MYO10: variants seen among roughly 807,000 people sequenced by gnomAD.
The protein encoded by MYO10 is unconventional myosin-X.
Under a neutral mutation model 257.3 loss-of-function variants are expected in MYO10, and 133 were observed. The ratio of observed to expected loss-of-function variants is 0.52; its 90% CI spans 0.45 to 0.60. The LOEUF (loss-of-function observed/expected upper bound fraction) is 0.60, where lower values mean the gene tolerates loss of function less well. Ranked by LOEUF, MYO10 falls within the 20% of genes least tolerant of loss-of-function variation. The pLI is 0.00. For synonymous variants in MYO10, 1,104 were observed against 1,028.6 expected (o/e 1.07, Z -1.40); for missense variants, 2,399 against 2,635.7 (o/e 0.91, Z 1.97).
Position 16,754,928 on chromosome 5 carries a change from T to C in MYO10, c.1849-20A>G, listed in dbSNP as rs759955594. ...TGAGTCCTATTAGAAAAAGTATATG[T>C]TGATTTAGTCTCTTATTATGTCATT... is the stretch of plus-strand genomic sequence containing the variant. On this transcript the variant is annotated intron_variant, in intron 18 of 40. Transcript: ENST00000513610. 2 of 1,501,508 alleles carry C rather than the reference T, an allele frequency of 1.3e-6. No homozygotes were observed. The highest frequency in any genetic ancestry group is 1.2e-5 in the South Asian group (1 of 82,080). The allele number at this position is 1,501,508 out of a possible 1,614,324, so 93.0% of individuals were successfully genotyped here.
chr5:16,786,345 GAA>G (rs1741579687), intron 4 of MYO10, among the ~76,000 whole-genome samples: 1 of 152,148 alleles, frequency 6.6e-6, no homozygotes, highest in South Asian at 2.1e-4. Context: ...GACACATTGA[GAA>G]AAAATACGGC....
intron 28 of MYO10, among the ~76,000 whole-genome samples, chr5:16,689,312 C>A (rs1737384777): frequency 6.6e-6 from 1 of 152,068 alleles, no homozygotes; most frequent in East Asian, 1.9e-4. Flanking sequence ...TACTTTTGCA[C>A]CAAGCTAATA....
chr5:16,935,138 C>T (rs892607329), intron 1 of MYO10, among the ~76,000 whole-genome samples: 1 of 152,174 alleles, frequency 6.6e-6, no homozygotes, highest in African/African-American at 2.4e-5. Flanking sequence ...ATTAAAATAG[C>T]CACTGTTTGC....
intron 2 of MYO10, among the ~76,000 whole-genome samples, chr5:16,857,585 T>C (rs1190466487): frequency 2.0e-5 from 3 of 152,200 alleles, no homozygotes; most frequent in African/African-American, 7.2e-5. Context: ...AATCAGAAGC[T>C]CTGGATTGAG....
At chr5:16,933,800 A>G (rs1746360891) in intron 1 of MYO10, among the ~76,000 whole-genome samples, 1 of 152,238 alleles carries the variant, frequency 6.6e-6, no homozygotes, top group Non-Finnish European at 1.5e-5. Context: ...CTTCCCACTC[A>G]AAGTGATTAG....
chr5:16,912,843 CA>C (rs1745702900), intron 1 of MYO10, among the ~76,000 whole-genome samples: 1 of 150,694 alleles, frequency 6.6e-6, no homozygotes, highest in African/African-American at 2.4e-5. Context: ...CACACACACA[CA>C]CACACCATGG....
intron 19 of MYO10, among the ~76,000 whole-genome samples, chr5:16,739,322 GC>G (rs1739929106): frequency 6.6e-6 from 1 of 150,916 alleles, no homozygotes; most frequent in Admixed American, 6.7e-5. Flanking sequence ...TTCACCTTTT[GC>G]AAATTTCTTG....
rs561783158 is a variant in MYO10, at chr5:16,723,320, G to A, written c.1930-12075C>T. Among the ~76,000 whole-genome samples the A allele has an allele frequency of 2.7e-3, 415 of 152,130 alleles. 2 individuals carry two copies. The highest frequency in any genetic ancestry group is 9.1e-3 in the African/African-American group (379 of 41,498). On this transcript the variant is annotated intron_variant, in intron 19 of 40. Transcript: ENST00000513610. Reference sequence around the variant, plus strand: ...GGAGAATGGCGTGAACCTGGGAGGCGGAGCTTGCAGTGAGCCAAGGTTGCG... The same window carrying A: ...GGAGAATGGCGTGAACCTGGGAGGCAGAGCTTGCAGTGAGCCAAGGTTGCG...
At chr5:16,674,758 T>C in intron 35 of MYO10, 95 bp downstream of exon 35, 3 of 1,424,506 alleles carry the variant, frequency 2.1e-6, no homozygotes, top group Non-Finnish European at 2.9e-6. Flanking sequence ...TAGAGGTGTC[T>C]TCTGTTCAAA....
At chr5:16,850,235 T>C (rs528460402) in intron 2 of MYO10, among the ~76,000 whole-genome samples, 2 of 152,296 alleles carry the variant, frequency 1.3e-5, no homozygotes, top group African/African-American at 4.8e-5. Context: ...CCTTAACTTA[T>C]TAAATCTGAC....
At chr5:16,711,435 C>CA (rs1315804593) in intron 19 of MYO10, among the ~76,000 whole-genome samples, 190 bp from the exon 20 acceptor site, 1 of 152,172 alleles carries the variant, frequency 6.6e-6, no homozygotes, top group Non-Finnish European at 1.5e-5. Flanking sequence ...TAACAACCGT[C>CA]AACCCCTGCC....
At chr5:16,747,365 G>A (rs1431602669) in intron 19 of MYO10, among the ~76,000 whole-genome samples, 1 of 129,818 alleles carries the variant, frequency 7.7e-6, no homozygotes, top group South Asian at 2.1e-4. Flanking sequence ...CAATAGTTAC[G>A]TTTTTATCTT....
chr5:16,699,722 GACTGCACTGAGCAGAGATCGTGCC>G, intron 25 of MYO10, 149 bp from the exon 26 acceptor site: 1 of 828,770 alleles, frequency 1.2e-6, no homozygotes, highest in Non-Finnish European at 1.8e-6. Flanking sequence ...AGGAGGCAGT[GACTGCACTGAGCAGAGATCGTGCC>G]ACTGCACTCC....
At chr5:16,741,686 T>C (rs1467056874) in intron 19 of MYO10, 1 of 671,122 alleles carries the variant, frequency 1.5e-6, no homozygotes. Context: ...AACACTTCCG[T>C]GCCTGGAGAA....
rs541717654 is a variant in MYO10 at position 16,807,989 on chromosome 5, T to A, written c.279+10020A>T. Among the ~76,000 whole-genome samples, 3 of 152,290 alleles carry A rather than the reference T, an allele frequency of 2.0e-5. No homozygotes were observed. In the South Asian group the frequency reaches 6.2e-4, roughly 32 times the overall value. ...TCCTGTAAGCCAGAGTCATTCTGCA[T>A]CCCTGGAGCCTAACACAGAGCCTGG... On this transcript the variant is annotated intron_variant, in intron 3 of 40. Coordinates refer to ENST00000513610, the MANE Select transcript of MYO10 (RefSeq NM_012334.3).
intron 19 of MYO10, among the ~76,000 whole-genome samples, chr5:16,723,804 C>T (rs1739249857): frequency 1.3e-5 from 2 of 152,132 alleles, no homozygotes; most frequent in Admixed American, 6.5e-5. Context: ...CAAAAAGATG[C>T]GGAGGAACCT....
In MYO10 at chr5:16,856,287, T is replaced by C. The variant is rs1462167583; in HGVS notation, c.120+21322A>G. ...GAAAGACCTGTTCAAGACCAGGCAC[T>C]GTGGCTCACGCCTGTAATCCCAGCA... On this transcript the variant is annotated intron_variant, in intron 2 of 40. Coordinates refer to ENST00000513610, the MANE Select transcript of MYO10 (RefSeq NM_012334.3). 7.2e-5 allele frequency among the ~76,000 whole-genome samples: 11 copies of C among 152,190 alleles called. No individual in the cohort carries two copies. The East Asian group carries it at 1.2e-3, about 16-fold the overall frequency.
At position 16,719,177 on chromosome 5, in the gene MYO10, G is replaced by A. The variant is rs571210464; in HGVS notation, c.1930-7932C>T. On this transcript the variant is annotated intron_variant, in intron 19 of 40. Coordinates refer to ENST00000513610, the MANE Select transcript of MYO10 (RefSeq NM_012334.3). ...TCACTCCTGAGCCCAGCGAGACCACGAGCCCACCAGAAGGAAGAAACTCCG... is the reference window on the plus strand; with the variant it reads ...TCACTCCTGAGCCCAGCGAGACCACAAGCCCACCAGAAGGAAGAAACTCCG... Among the ~76,000 whole-genome samples, 12 of 152,126 alleles carry A rather than the reference G, an allele frequency of 7.9e-5. No homozygotes were observed. The South Asian group carries it at 1.7e-3, about 21-fold the overall frequency.
At chr5:16,855,823 G>A (rs954660627) in intron 2 of MYO10, among the ~76,000 whole-genome samples, 1 of 152,226 alleles carries the variant, frequency 6.6e-6, no homozygotes, top group African/African-American at 2.4e-5. Flanking sequence ...ACGTGGCGGG[G>A]AGATGGATGC....
Sources: gnomAD v4.1 joint callset for allele counts (sites outside exome capture counted in the v4.1 genomes callset) on GRCh38, gnomAD v4.1.1 for gene constraint, MANE v1.5 for transcripts, NCBI Gene and HGNC (gene_info 2026-07-23, HGNC 2026-07-21) for gene names.